Variants in GNAO1 observed in about 807,000 individuals in gnomAD.
GNAO1 encodes guanine nucleotide-binding protein G(o) subunit alpha.
For synonymous variants in GNAO1, 164 were observed against 180.7 expected (o/e 0.91, Z 0.74); for missense variants, 166 against 478.7 (o/e 0.35, Z 6.10).
chr16:56,315,918 G>C (rs562425813), intron 3 of GNAO1, among the ~76,000 whole-genome samples: 7 of 152,230 alleles, frequency 4.6e-5, no homozygotes, highest in African/African-American at 1.4e-4. Context: ...AATTAGCCGG[G>C]CATGGTGGCG....
At position 56,200,755 on chromosome 16, in the gene GNAO1, C is replaced by G. The variant is rs1176902564; in HGVS notation, c.161+8139C>G. On this transcript the variant is annotated intron_variant, in intron 2 of 8. Coordinates refer to ENST00000262493, the MANE Select transcript of GNAO1 (RefSeq NM_020988.3). ...TCAGTGGCTGAGAGAATAGAAAGTG[C>G]CTAATTGGTGCTGAGTTCCTTCTGG... Among the ~76,000 whole-genome samples the G allele has an allele frequency of 2.0e-5, 3 of 152,166 alleles. No individual in the cohort carries two copies. The South Asian group carries it at 6.2e-4, about 32-fold the overall frequency.
At chr16:56,233,620 A>G (rs2036611282) in intron 2 of GNAO1, among the ~76,000 whole-genome samples, 1 of 152,222 alleles carries the variant, frequency 6.6e-6, no homozygotes, top group Non-Finnish European at 1.5e-5. Context: ...TTCAGGCCTC[A>G]AGAATCCAAG....
At chr16:56,205,977 A>G (rs1177680274) in intron 2 of GNAO1, among the ~76,000 whole-genome samples, 1 of 152,146 alleles carries the variant, frequency 6.6e-6, no homozygotes, top group Admixed American at 6.5e-5. Flanking sequence ...AAAGAAGGCC[A>G]GTGGAGCTCT....
chr16:56,223,986 G>T (rs984575160), intron 2 of GNAO1, among the ~76,000 whole-genome samples: 1 of 152,144 alleles, frequency 6.6e-6, no homozygotes, highest in African/African-American at 2.4e-5. Context: ...AGAGATGAAG[G>T]GACTCTCAGA....
At chr16:56,332,872 G>A (rs1215196381) in intron 4 of GNAO1, among the ~76,000 whole-genome samples, 5 of 152,266 alleles carry the variant, frequency 3.3e-5, no homozygotes, top group Admixed American at 1.3e-4. Flanking sequence ...TCACAGCTTG[G>A]AAGCAGAGGT....
In GNAO1 at chr16:56,333,769, A is replaced by T. The variant is rs180845523; in HGVS notation, c.465-960A>T. ...CCCCAGCAGGTCCTGGAGCAGATGC[A>T]GCCTGGGACCCCACATCGTTCTGTG... is the stretch of plus-strand genomic sequence containing the variant. On this transcript the variant is annotated intron_variant, in intron 4 of 8. Transcript: ENST00000262493. 8.5e-5 allele frequency among the ~76,000 whole-genome samples: 13 copies of T among 152,364 alleles called. No homozygotes were observed. In the East Asian group the frequency reaches 2.3e-3, roughly 27 times the overall value.
intron 2 of GNAO1, among the ~76,000 whole-genome samples, chr16:56,257,034 C>A (rs1221919367): frequency 2.6e-5 from 4 of 152,132 alleles, no homozygotes; most frequent in African/African-American, 9.7e-5. Context: ...AATAGTCTCG[C>A]GTTTGGCATT....
chr16:56,264,961 T>G (rs2036938305), intron 2 of GNAO1, among the ~76,000 whole-genome samples: 1 of 152,200 alleles, frequency 6.6e-6, no homozygotes, highest in Non-Finnish European at 1.5e-5. Context: ...CTGAGTCTTC[T>G]CTTCTTTCCA....
At chr16:56,208,442 TGTGTGTGCGC>T (rs781577890) in intron 2 of GNAO1, among the ~76,000 whole-genome samples, 2 of 109,886 alleles carry the variant, frequency 1.8e-5, no homozygotes, top group African/African-American at 7.4e-5. Context: ...TGTGTGTGTG[TGTGTGTGCGC>T]GCGCGCGCAC....
At chr16:56,299,811 C>A (rs1242509887) in intron 3 of GNAO1, among the ~76,000 whole-genome samples, 2 of 152,138 alleles carry the variant, frequency 1.3e-5, no homozygotes, top group Non-Finnish European at 2.9e-5. Flanking sequence ...TTCCACAAGC[C>A]ACTCTGCCTG....
chr16:56,323,958 A>G (rs1260466923), intron 3 of GNAO1, among the ~76,000 whole-genome samples: 2 of 151,886 alleles, frequency 1.3e-5, no homozygotes, highest in Non-Finnish European at 2.9e-5. Context: ...GAAATCAAGC[A>G]GGTCTCCTGG....
rs549748454 is a variant in GNAO1 at position 56,347,568 on chromosome 16, A to G, written c.724-3816A>G. ...TGTCAAAGAAGGGGCAGGCTGGGGGAAAAGCAGAAAGAATGGCCCCCAGTC... is the reference window on the plus strand; with the variant it reads ...TGTCAAAGAAGGGGCAGGCTGGGGGGAAAGCAGAAAGAATGGCCCCCAGTC... On this transcript the variant is annotated intron_variant, in intron 6 of 8. Transcript: ENST00000262493. 488 of 985,456 alleles carry G rather than the reference A, an allele frequency of 5.0e-4. 1 individual carries two copies. The African/African-American group carries it at 7.4e-3, about 15-fold the overall frequency. The allele number at this position is 985,456 out of a possible 1,614,324, so 61.0% of individuals were successfully genotyped here. A position where few individuals can be genotyped will look rare whatever the true frequency, so the allele number is the denominator to read the frequency against.
intron 2 of GNAO1, among the ~76,000 whole-genome samples, chr16:56,228,455 A>ATATT (rs754221373): frequency 6.6e-6 from 1 of 151,098 alleles, no homozygotes. Flanking sequence ...ATATACATAT[A>ATATT]TATTTATTTA....
At chr16:56,258,396 C>T (rs2036872270) in intron 2 of GNAO1, among the ~76,000 whole-genome samples, 4 of 152,182 alleles carry the variant, frequency 2.6e-5, no homozygotes, top group Admixed American at 2.6e-4. Context: ...AAATGTCCAG[C>T]ACAAAGTTGG....
intron 3 of GNAO1, among the ~76,000 whole-genome samples, chr16:56,285,611 A>G (rs549974264): frequency 9.2e-5 from 14 of 152,376 alleles, no homozygotes; most frequent in African/African-American, 3.1e-4. Context: ...GACTCCTGGA[A>G]TATTGAAAAT....
chr16:56,349,416 C>T (rs1450154808), intron 6 of GNAO1, among the ~76,000 whole-genome samples: 1 of 152,168 alleles, frequency 6.6e-6, no homozygotes, highest in Non-Finnish European at 1.5e-5. Context: ...CATAATGTGG[C>T]TCAATGAGCT....
At chr16:56,210,523 T>C (rs536239567) in intron 2 of GNAO1, among the ~76,000 whole-genome samples, 71 of 152,376 alleles carry the variant, frequency 4.7e-4, no homozygotes, top group Non-Finnish European at 4.6e-4. Context: ...TATATCATCT[T>C]GCATTTCTAC....
At chr16:56,346,445 C>G in intron 6 of GNAO1, 1 of 985,232 alleles carries the variant, frequency 1.0e-6, no homozygotes, top group Non-Finnish European at 1.2e-6. Flanking sequence ...CTTTGCCAAA[C>G]TCATGAAAAT....
At chr16:56,205,283 C>T (rs2036316946) in intron 2 of GNAO1, among the ~76,000 whole-genome samples, 1 of 152,178 alleles carries the variant, frequency 6.6e-6, no homozygotes, top group Non-Finnish European at 1.5e-5. Context: ...TCCTGGGGTC[C>T]CTCTCTGAAT....
Sources: gnomAD v4.1 joint callset for allele counts (sites outside exome capture counted in the v4.1 genomes callset) on GRCh38, gnomAD v4.1.1 for gene constraint, MANE v1.5 for transcripts, NCBI Gene and HGNC (gene_info 2026-07-23, HGNC 2026-07-21) for gene names.